The following EFCAB12 variants were observed in gnomAD, a reference collection of about 807,000 sequenced individuals.
EFCAB12 encodes the protein EF-hand calcium-binding domain-containing protein 12.
In EFCAB12, 43 loss-of-function variants were observed where a neutral mutation model predicts 53.6. The ratio of observed to expected loss-of-function variants is 0.80; its 90% CI spans 0.63 to 1.03. EFCAB12 has a LOEUF of 1.03. EFCAB12 is among the 50% of genes least tolerant of loss of function. EFCAB12 has a pLI of 0.00. For missense variants in EFCAB12, 646 were observed against 730.6 expected, an observed-to-expected ratio of 0.88 and a Z score of 1.34; for synonymous variants, 269 against 289.2, an observed-to-expected ratio of 0.93 and a Z score of 0.71.
chr3:129,404,505 C>T (rs566295448), intron 6 of EFCAB12, 102 bp from the exon 7 acceptor site: 3 of 1,289,444 alleles, frequency 2.3e-6, no homozygotes, highest in East Asian at 2.5e-5. Context: ...TTTTAATTCA[C>T]ATTTTTAAGA....
intron 7 of EFCAB12, 150 bp downstream of exon 7, chr3:129,404,100 A>T: frequency 9.8e-7 from 1 of 1,025,418 alleles, no homozygotes; most frequent in Non-Finnish European, 1.4e-6. Flanking sequence ...GCCAGTCTGC[A>T]GTGAGCAGTC....
chr3:129,423,973 C>T (rs1010260947), intron 1 of EFCAB12, among the ~76,000 whole-genome samples: 11 of 152,198 alleles, frequency 7.2e-5, no homozygotes, highest in South Asian at 2.1e-4. Context: ...TCAGGCATCC[C>T]GGCCCCTTGA....
chr3:129,426,462 T>C (rs938050580), intron 1 of EFCAB12, among the ~76,000 whole-genome samples: 3 of 149,954 alleles, frequency 2.0e-5, no homozygotes, highest in Admixed American at 6.7e-5. Flanking sequence ...CCTCCCGGGT[T>C]CACGCCATTC....
chr3:129,420,757 C>T (rs755681403), intron 2 of EFCAB12, among the ~76,000 whole-genome samples: 1 of 152,210 alleles, frequency 6.6e-6, no homozygotes, highest in African/African-American at 2.4e-5. Context: ...TTCTTTCCTT[C>T]TTGAGCATGG....
At chr3:129,417,049 A>G (rs1013505310) in intron 3 of EFCAB12, among the ~76,000 whole-genome samples, 2 of 152,134 alleles carry the variant, frequency 1.3e-5, no homozygotes, top group East Asian at 3.9e-4. Flanking sequence ...AGATAAGGCC[A>G]GGCGCAGTGG....
At chr3:129,405,344 G>T (rs1344458784) in intron 6 of EFCAB12, among the ~76,000 whole-genome samples, 1 of 152,222 alleles carries the variant, frequency 6.6e-6, no homozygotes, top group Non-Finnish European at 1.5e-5. Flanking sequence ...GTTATTTGGG[G>T]GTTGGGAAGG....
chr3:129,418,856 C>G (rs891666123), intron 2 of EFCAB12, among the ~76,000 whole-genome samples: 1 of 152,142 alleles, frequency 6.6e-6, no homozygotes, highest in African/African-American at 2.4e-5. Context: ...GCCTGGAAGA[C>G]TTTTCTCTCT....
chr3:129,411,598 C>T, intron 4 of EFCAB12: 1 of 392,540 alleles, frequency 2.5e-6, no homozygotes, highest in Non-Finnish European at 4.5e-6. Flanking sequence ...CCATTCTCGT[C>T]CTGTCACCCT....
chr3:129,424,545 T>C (rs2072228566), intron 1 of EFCAB12, among the ~76,000 whole-genome samples: 1 of 152,242 alleles, frequency 6.6e-6, no homozygotes, highest in Non-Finnish European at 1.5e-5. Context: ...CTGTACAGCC[T>C]GAGGAACTGT....
chr3:129,423,610 C>G (rs191101472), intron 1 of EFCAB12, among the ~76,000 whole-genome samples: 357 of 152,094 alleles, frequency 2.3e-3, no homozygotes, highest in African/African-American at 8.1e-3. Flanking sequence ...GCCTGGGCAA[C>G]AGAGACCCTT....
Position 129,411,340 on chromosome 3 carries a change from T to C in EFCAB12, c.853A>G (p.Lys285Glu). The change falls in exon 5 of 9, where the codon AAG (lysine) becomes GAG (glutamate). Residue 285 changes from lysine (K) to glutamate (E), a missense_variant. Physicochemically the swap from Lys to Glu is moderately conservative, Grantham distance 56. Coordinates refer to ENST00000505956, the MANE Select transcript of EFCAB12 (RefSeq NM_207307.3). The part of the protein sequence containing the change: ...ATAREHYILA[K>E]HRDSLKGPLK... The stretch of plus-strand genomic sequence containing the variant: ...GGACCCTTCAGGGAATCTCTGTGCT[T>C]GGCCAAGATATAATCTGGAGTCAGA... 6.3e-7 allele frequency: 1 copy of C among 1,584,902 alleles called. No individual in the cohort carries two copies. The highest frequency in any genetic ancestry group is 8.6e-7 in the Non-Finnish European group (1 of 1,162,440).
Position 129,418,403 on chromosome 3 carries a change from G to T in EFCAB12, c.532C>A (p.Gln178Lys). The T allele has an allele frequency of 6.2e-7, 1 of 1,613,330 alleles. No homozygotes were observed. The highest frequency in any genetic ancestry group is 1.1e-5 in the South Asian group (1 of 90,938). Reference sequence around the variant, plus strand: ...GCAGGGGGCTCGGGCAGCTGGAGCTGGGGCACCATCTGGCGGGACAGCCGG... The same window carrying T: ...GCAGGGGGCTCGGGCAGCTGGAGCTTGGGCACCATCTGGCGGGACAGCCGG... ...LSRLSRQMVP[Q>K]LQLPEPPALS... is the part of the protein sequence containing the mutation. Residue 178 changes from glutamine (Q) to lysine (K), a missense_variant, in exon 3 of 9, where the codon CAG becomes AAG. Gln to Lys is a moderately conservative substitution (Grantham distance 53). Coordinates refer to ENST00000505956, the MANE Select transcript of EFCAB12 (RefSeq NM_207307.3).
chr3:129,422,179 C>G (rs1333447244), intron 1 of EFCAB12, among the ~76,000 whole-genome samples: 2 of 152,194 alleles, frequency 1.3e-5, no homozygotes, highest in Admixed American at 6.5e-5. Flanking sequence ...AGTCCTGGCC[C>G]TGCCACCTAC....
chr3:129,416,556 T>C (rs750878594), intron 3 of EFCAB12, among the ~76,000 whole-genome samples: 82 of 152,372 alleles, frequency 5.4e-4, no homozygotes, highest in Non-Finnish European at 9.1e-4. Context: ...GATAATTACA[T>C]GTCATAAAAC....
intron 5 of EFCAB12, among the ~76,000 whole-genome samples, chr3:129,410,538 G>C (rs542635942): frequency 6.6e-6 from 1 of 151,966 alleles, no homozygotes; most frequent in East Asian, 1.9e-4. Context: ...GGATGGCCTC[G>C]AACTCCTGGG....
At chr3:129,424,347 G>A (rs2072224958) in intron 1 of EFCAB12, among the ~76,000 whole-genome samples, 1 of 152,194 alleles carries the variant, frequency 6.6e-6, no homozygotes, top group South Asian at 2.1e-4. Flanking sequence ...AGTGGGAGGT[G>A]ATTGGATCAT....
intron 7 of EFCAB12, chr3:129,402,898 TA>T: frequency 3.7e-6 from 1 of 268,358 alleles, no homozygotes; most frequent in Non-Finnish European, 7.1e-6. Flanking sequence ...GGAGGCTCAG[TA>T]AGTCACTGCC....
At chr3:129,408,171 C>G (rs564413810) in intron 6 of EFCAB12, among the ~76,000 whole-genome samples, 1 of 152,210 alleles carries the variant, frequency 6.6e-6, no homozygotes, top group Non-Finnish European at 1.5e-5. Flanking sequence ...CCTGTCTCCA[C>G]GTGCTTTCAT....
Position 129,401,523 on chromosome 3 carries a change from T to C in EFCAB12, c.*70A>G. 6.9e-7 allele frequency: 1 copy of C among 1,453,680 alleles called. No homozygotes were observed. The highest frequency in any genetic ancestry group is 1.5e-5 in the South Asian group (1 of 68,610). 90.0% of individuals were successfully genotyped at this position (1,453,680 alleles called of 1,614,324 possible). A position where few individuals can be genotyped will look rare whatever the true frequency, so the allele number is the denominator to read the frequency against. ...GACTCTTTGACACTCCTCTTGTGTCTGGGCTCTGGGCCGCTGGCTGCACTG... is the reference window on the plus strand; with the variant it reads ...GACTCTTTGACACTCCTCTTGTGTCCGGGCTCTGGGCCGCTGGCTGCACTG... On this transcript the variant is annotated 3_prime_UTR_variant, in exon 9 of 9. Transcript: ENST00000505956.
Sources: gnomAD v4.1 joint callset for allele counts (sites outside exome capture counted in the v4.1 genomes callset) on GRCh38, gnomAD v4.1.1 for gene constraint, MANE v1.5 for transcripts, NCBI Gene and HGNC (gene_info 2026-07-23, HGNC 2026-07-21) for gene names.